Variants in HFM1 observed in about 807,000 individuals in gnomAD.
HFM1 encodes the protein probable ATP-dependent DNA helicase HFM1.
A neutral mutation model predicts 192.1 loss-of-function variants in HFM1; 169 were observed. The ratio of observed to expected loss-of-function variants is 0.88; its 90% CI spans 0.78 to 1.00. The LOEUF (loss-of-function observed/expected upper bound fraction) is 1.00. Ranked by LOEUF, HFM1 falls within the 50% of genes least tolerant of loss-of-function variation. The pLI is 0.00. For synonymous variants in HFM1, 525 were observed against 537.8 expected (o/e 0.98, Z 0.33); for missense variants, 1,661 against 1,668.0 (o/e 1.00, Z 0.07).
chr1:91,347,082 C>T (rs1051357347), intron 19 of HFM1, among the ~76,000 whole-genome samples: 1 of 152,068 alleles, frequency 6.6e-6, no homozygotes, highest in Non-Finnish European at 1.5e-5. Context: ...GCATTCCATC[C>T]TGGGTGACAG....
At chr1:91,353,342 C>CTCA in intron 13 of HFM1, 43 bp from the exon 14 acceptor site, 2 of 1,116,384 alleles carry the variant, frequency 1.8e-6, no homozygotes, top group Non-Finnish European at 2.6e-6. Flanking sequence ...CTCCCAGTAA[C>CTCA]ATTAGAGAAC....
intron 30 of HFM1, among the ~76,000 whole-genome samples, chr1:91,284,883 G>T: frequency 6.6e-6 from 1 of 152,120 alleles, no homozygotes; most frequent in Non-Finnish European, 1.5e-5. Flanking sequence ...GTTTGATATG[G>T]TTTGGCTGTG....
chr1:91,378,315 A>G, intron 10 of HFM1, 88 bp downstream of exon 10: 3 of 1,268,412 alleles, frequency 2.4e-6, no homozygotes, highest in African/African-American at 3.0e-5. Flanking sequence ...TAAAACAAAC[A>G]TATAGTTTGG....
chr1:91,398,201 G>C (rs927303110), intron 2 of HFM1, among the ~76,000 whole-genome samples: 1 of 152,140 alleles, frequency 6.6e-6, no homozygotes, highest in African/African-American at 2.4e-5. Flanking sequence ...ACCTAAGAAA[G>C]AGGAATAATA....
intron 32 of HFM1, among the ~76,000 whole-genome samples, chr1:91,275,140 T>G (rs1186783790): frequency 6.6e-6 from 1 of 152,074 alleles, no homozygotes; most frequent in Non-Finnish European, 1.5e-5. Context: ...CCCACCACCA[T>G]GCCTGGCTAA....
intron 34 of HFM1, among the ~76,000 whole-genome samples, chr1:91,270,729 A>G (rs1002583831): frequency 6.6e-6 from 1 of 152,184 alleles, no homozygotes; most frequent in Non-Finnish European, 1.5e-5. Context: ...ATCAAATACT[A>G]TAGAGGTCAA....
At chr1:91,407,188 C>G (rs1448328766), upstream of HFM1, among the ~76,000 whole-genome samples, 1 of 151,944 alleles carries the variant, frequency 6.6e-6, no homozygotes, top group African/African-American at 2.4e-5. Flanking sequence ...AGGGGAACTT[C>G]ACACACTGGG....
chr1:91,289,530 T>C (rs1465747144), intron 30 of HFM1, among the ~76,000 whole-genome samples: 3 of 152,082 alleles, frequency 2.0e-5, no homozygotes, highest in Non-Finnish European at 4.4e-5. Context: ...GTGGAGGTTG[T>C]AGCGAGCCAA....
intron 30 of HFM1, among the ~76,000 whole-genome samples, chr1:91,283,986 C>CT (rs1472720620): frequency 6.6e-6 from 1 of 151,762 alleles, no homozygotes; most frequent in Admixed American, 6.6e-5. Context: ...CATGGTTTTA[C>CT]TTTTTTTAAT....
intron 13 of HFM1, among the ~76,000 whole-genome samples, chr1:91,370,645 G>A (rs1022244744): frequency 2.5e-3 from 386 of 152,208 alleles, no homozygotes; most frequent in African/African-American, 3.9e-3. Context: ...TACTGAATGG[G>A]CAAAAACTGG....
At chr1:91,288,780 T>G (rs1022614768) in intron 30 of HFM1, among the ~76,000 whole-genome samples, 76 of 152,376 alleles carry the variant, frequency 5.0e-4, no homozygotes, top group Admixed American at 1.4e-3. Context: ...TACTTCTTTC[T>G]ACACAGACAC....
At chr1:91,382,536 T>A (rs1401578322) in intron 6 of HFM1, among the ~76,000 whole-genome samples, 1 of 152,208 alleles carries the variant, frequency 6.6e-6, no homozygotes. Context: ...TAAATCCTCA[T>A]TTTACTTTCT....
intron 11 of HFM1, chr1:91,377,655 G>C (rs1557488264): frequency 4.7e-6 from 1 of 210,684 alleles, no homozygotes; most frequent in Non-Finnish European, 9.3e-6. Context: ...AGGAGCAAGT[G>C]GTAATCATCT....
chr1:91,305,352 T>C (rs1234493683), intron 30 of HFM1, among the ~76,000 whole-genome samples: 3 of 152,200 alleles, frequency 2.0e-5, no homozygotes, highest in Non-Finnish European at 4.4e-5. Context: ...TTCAATGGTG[T>C]TTTGTAGTTT....
intron 30 of HFM1, among the ~76,000 whole-genome samples, chr1:91,294,498 T>C (rs1007798621): frequency 7.2e-5 from 11 of 152,236 alleles, no homozygotes; most frequent in African/African-American, 2.2e-4. Context: ...TTGGAAACTA[T>C]AGTTCATGGG....
rs1444523525 is a variant in HFM1 at position 91,394,178 on chromosome 1, C to T, written c.409G>A (p.Ala137Thr). 1 of 1,607,360 alleles carries T rather than the reference C, an allele frequency of 6.2e-7. No homozygotes were observed. Among genetic ancestry groups the T allele is most frequent in the Admixed American group, 1.7e-5 (1 of 59,974 alleles). The change falls in exon 4 of 39, where the codon GCA (alanine) becomes ACA (threonine). Residue 137 changes from alanine to threonine, a missense_variant. Coordinates refer to ENST00000370425, the MANE Select transcript of HFM1 (RefSeq NM_001017975.6). ...KYKNHIGTEI[A>T]PEKSVPDDTK... is the part of the protein sequence containing the mutation. ...TCATCAGGAACACTCTTCTCAGGTGCTATCTCAGTGCCAATGTGATTTTTA... is the reference window on the plus strand; with the variant it reads ...TCATCAGGAACACTCTTCTCAGGTGTTATCTCAGTGCCAATGTGATTTTTA...
chr1:91,296,514 A>G (rs1303560527), intron 30 of HFM1, among the ~76,000 whole-genome samples: 1 of 152,008 alleles, frequency 6.6e-6, no homozygotes, highest in African/African-American at 2.4e-5. Context: ...GAATTTTCAT[A>G]TGAATTTTAT....
chr1:91,396,060 A>C (rs1346761282), intron 3 of HFM1, among the ~76,000 whole-genome samples: 1 of 152,106 alleles, frequency 6.6e-6, no homozygotes, highest in Non-Finnish European at 1.5e-5. Context: ...CATATTGGCC[A>C]GGCTGGGTGA....
At chr1:91,268,546 G>A (rs1384296538) in intron 34 of HFM1, among the ~76,000 whole-genome samples, 3 of 151,902 alleles carry the variant, frequency 2.0e-5, no homozygotes, top group Admixed American at 1.3e-4. Context: ...GTTATGAGGC[G>A]CTAAATGCCT....
Sources: allele counts gnomAD v4.1 joint callset (sites outside exome capture counted in the v4.1 genomes callset), GRCh38; gene constraint gnomAD v4.1.1; transcripts MANE v1.5; gene names NCBI Gene and HGNC (gene_info 2026-07-23, HGNC 2026-07-21).